The following GRIA2 variants were observed in gnomAD, a reference collection of about 807,000 sequenced individuals.
GRIA2 encodes glutamate ionotropic receptor AMPA type subunit 2.
Under a neutral mutation model 97.3 loss-of-function variants are expected in GRIA2, and 14 were observed. The ratio of observed to expected loss-of-function variants is 0.14; its 90% confidence interval spans 0.10 to 0.23. GRIA2 has a LOEUF of 0.23. GRIA2 is among the 10% of genes least tolerant of loss of function. The probability of loss-of-function intolerance (pLI) is 1.00; values close to 1 mark genes in which losing one functional copy is unlikely to be tolerated. For synonymous variants in GRIA2, 412 were observed against 387.8 expected, an observed-to-expected ratio of 1.06 and a Z score of -0.73; for missense variants, 558 against 1,069.8, an observed-to-expected ratio of 0.52 and a Z score of 6.67.
rs149220521 is a variant in GRIA2 at position 157,305,535 on chromosome 4, C to T, written c.469+1744C>T. Among the ~76,000 whole-genome samples the T allele has an allele frequency of 3.2e-3, 483 of 152,088 alleles. 3 individuals are homozygous for T. Among genetic ancestry groups the T allele is most frequent in the African/African-American group, 0.011 (447 of 41,470 alleles). ...GTTGGCTTTAAGGTCTTATAATATC[C>T]AATTCCCACTCAACTCTCCATTGCA... is the stretch of plus-strand genomic sequence containing the variant. On this transcript the variant is annotated intron_variant, in intron 3 of 15. Coordinates refer to ENST00000264426, the MANE Select transcript of GRIA2 (RefSeq NM_001083619.3).
intron 2 of GRIA2, among the ~76,000 whole-genome samples, chr4:157,292,131 G>GA (rs928390010): frequency 6.6e-6 from 1 of 151,656 alleles, no homozygotes; most frequent in Admixed American, 6.6e-5. Flanking sequence ...AAATGCTAAA[G>GA]AAAAAAATGC....
In GRIA2 at chr4:157,363,460, A is replaced by T. The variant is rs1038717849; in HGVS notation, c.*29A>T. The T allele has an allele frequency of 1.0e-5, 13 of 1,242,976 alleles. No individual in the cohort carries two copies. The highest frequency in any genetic ancestry group is 1.3e-5 in the Non-Finnish European group (13 of 992,486). The allele number at this position is 1,242,976 out of a possible 1,614,324, so 77.0% of individuals were successfully genotyped here. On this transcript the variant is annotated 3_prime_UTR_variant, in exon 16 of 16. Coordinates refer to ENST00000264426, the MANE Select transcript of GRIA2 (RefSeq NM_001083619.3). ...ATGACCTTGAATGATGCCATGAGGA[A>T]CAAGGCAAGGCTGTCAATTACAGGA...
chr4:157,353,854 A>T (rs1465702905), intron 12 of GRIA2, among the ~76,000 whole-genome samples: 1 of 152,084 alleles, frequency 6.6e-6, no homozygotes, highest in East Asian at 1.9e-4. Context: ...TAAAATGATA[A>T]ATTAATCGTA....
rs560059917 is a variant in GRIA2 at position 157,221,331 on chromosome 4, G to A, written c.88+201G>A. ...ATGCCTTTGATACAATAGAAGAAAA[G>A]GTCCTCTCATTTCGGATCCCCAAAT... On this transcript the variant is annotated intron_variant, in intron 1 of 15. Transcript: ENST00000264426. 43 of 562,548 alleles carry A rather than the reference G, an allele frequency of 7.6e-5. No homozygotes were observed. The South Asian group carries it at 1.1e-3, about 14-fold the overall frequency. The allele number at this position is 562,548 out of a possible 1,614,324, so 34.8% of individuals were successfully genotyped here.
chr4:157,247,796 T>G (rs55890524), intron 2 of GRIA2, among the ~76,000 whole-genome samples: 3 of 152,196 alleles, frequency 2.0e-5, no homozygotes, highest in African/African-American at 7.2e-5. Flanking sequence ...AAGGGACATG[T>G]GCAAGAAGTG....
At chr4:157,295,859 G>A (rs1733324776) in intron 2 of GRIA2, among the ~76,000 whole-genome samples, 1 of 152,032 alleles carries the variant, frequency 6.6e-6, no homozygotes, top group Non-Finnish European at 1.5e-5. Flanking sequence ...ATTTTTAGGG[G>A]AATAAATGTC....
At chr4:157,269,538 A>G (rs1731925247) in intron 2 of GRIA2, among the ~76,000 whole-genome samples, 2 of 152,096 alleles carry the variant, frequency 1.3e-5, no homozygotes, top group African/African-American at 2.4e-5. Context: ...AAGTAATAGC[A>G]GAGTTCTAGA....
At chr4:157,344,383 G>C (rs1735679559) in intron 12 of GRIA2, among the ~76,000 whole-genome samples, 1 of 151,966 alleles carries the variant, frequency 6.6e-6, no homozygotes, top group Non-Finnish European at 1.5e-5. Context: ...TCTGTGTAAG[G>C]TAGATACAGA....
Position 157,303,661 on chromosome 4 carries a change from T to C in GRIA2, c.339T>C (p.Thr113=), listed in dbSNP as rs749993767. The C allele has an allele frequency of 1.9e-6, 3 of 1,614,086 alleles. No homozygotes were observed. The South Asian group carries it at 3.3e-5, about 18-fold the overall frequency. ...FCGTLHVSFI[T]PSFPTDGTHP... is the part of the protein sequence containing the mutation. ...GAACACTCCACGTCTCCTTCATCAC[T>C]CCCAGCTTCCCAACAGATGGCACAC... is the stretch of plus-strand genomic sequence containing the variant. The change falls in exon 3 of 16, where the codon ACT becomes ACC. Residue 113 remains threonine (T), a synonymous_variant. Coordinates refer to ENST00000264426, the MANE Select transcript of GRIA2 (RefSeq NM_001083619.3).
In GRIA2 at chr4:157,345,728, C is replaced by T. The variant is rs115967952; in HGVS notation, c.2043+4266C>T. On this transcript the variant is annotated intron_variant, in intron 12 of 15. Transcript: ENST00000264426. ...AAGTAACTCTTCATGCCTGTGCTGTCTCCCACACTGCAATCTGTTCCTTCT... is the reference window on the plus strand; with the variant it reads ...AAGTAACTCTTCATGCCTGTGCTGTTTCCCACACTGCAATCTGTTCCTTCT... 6.1e-3 allele frequency among the ~76,000 whole-genome samples: 935 copies of T among 152,244 alleles called. 7 individuals are homozygous for T. Among genetic ancestry groups the T allele is most frequent in the African/African-American group, 0.021 (866 of 41,570 alleles).
chr4:157,238,545 G>A (rs1730352949), intron 2 of GRIA2, among the ~76,000 whole-genome samples: 1 of 152,068 alleles, frequency 6.6e-6, no homozygotes, highest in South Asian at 2.1e-4. Context: ...ATCTACATGA[G>A]CAGAACTGCA....
intron 14 of GRIA2, chr4:157,362,418 C>T (rs572231197): frequency 2.3e-4 from 105 of 460,202 alleles, no homozygotes; most frequent in African/African-American, 1.8e-3. Context: ...TAGCCCTGTT[C>T]GCTGTCAGCT....
At chr4:157,269,628 C>A (rs567141218) in intron 2 of GRIA2, among the ~76,000 whole-genome samples, 6 of 151,968 alleles carry the variant, frequency 3.9e-5, no homozygotes, top group Non-Finnish European at 7.4e-5. Context: ...CAACTGATAT[C>A]TTTTCTTTTC....
chr4:157,329,419 C>T (rs1052153665), intron 6 of GRIA2, among the ~76,000 whole-genome samples: 5 of 151,576 alleles, frequency 3.3e-5, no homozygotes, highest in Admixed American at 6.6e-5. Context: ...TTTAACATTC[C>T]GAAGTATGTT....
At chr4:157,354,980 G>A (rs1736183847) in intron 12 of GRIA2, among the ~76,000 whole-genome samples, 1 of 152,146 alleles carries the variant, frequency 6.6e-6, no homozygotes, top group Non-Finnish European at 1.5e-5. Context: ...GCATGCAGTG[G>A]CTCCAGGGAA....
chr4:157,252,068 C>T (rs1234533905), intron 2 of GRIA2, among the ~76,000 whole-genome samples: 15 of 152,094 alleles, frequency 9.9e-5, no homozygotes, highest in Non-Finnish European at 2.9e-5. Flanking sequence ...CACACACTCA[C>T]AAAAAATCCC....
chr4:157,339,775 G>A (rs577489869), intron 11 of GRIA2, among the ~76,000 whole-genome samples: 2 of 151,880 alleles, frequency 1.3e-5, no homozygotes, highest in African/African-American at 4.8e-5. Flanking sequence ...TATATGATAT[G>A]TGTCATATAA....
At chr4:157,300,457 A>G (rs1733566249) in intron 2 of GRIA2, among the ~76,000 whole-genome samples, 1 of 152,122 alleles carries the variant, frequency 6.6e-6, no homozygotes, top group Non-Finnish European at 1.5e-5. Context: ...TCCTGGCTGT[A>G]AATCTCAGTG....
At chr4:157,302,976 T>G (rs1381339618) in intron 2 of GRIA2, among the ~76,000 whole-genome samples, 1 of 152,222 alleles carries the variant, frequency 6.6e-6, no homozygotes, top group Non-Finnish European at 1.5e-5. Flanking sequence ...AGTTTTGGAC[T>G]TTATTTAATT....
Sources: allele counts gnomAD v4.1 joint callset (sites outside exome capture counted in the v4.1 genomes callset), GRCh38; gene constraint gnomAD v4.1.1; transcripts MANE v1.5; gene names NCBI Gene and HGNC (gene_info 2026-07-23, HGNC 2026-07-21).